LINGO2: variants seen among roughly 807,000 people sequenced by gnomAD.
LINGO2 encodes leucine rich repeat and Ig domain containing 2.
LINGO2 carries 14 observed loss-of-function variants against 30.6 expected under a neutral mutation model. The ratio of observed to expected loss-of-function variants is 0.46; its 90% CI spans 0.30 to 0.72. The LOEUF is 0.72. Among genes scored for constraint, LINGO2 ranks in the 30% least tolerant of loss-of-function variants. The pLI is 0.07. For missense variants in LINGO2, 729 were observed against 751.7 expected (o/e 0.97, Z 0.35); for synonymous variants, 317 against 288.5 (o/e 1.10, Z -1.00).
the LINGO2 span, among the ~76,000 whole-genome samples, chr9:29,189,150 C>G: frequency 1.4e-5 from 2 of 142,848 alleles, no homozygotes; most frequent in African/African-American, 5.1e-5. Context: ...GGGGGCTGAC[C>G]CCCCCACCTC....
At chr9:29,045,024 G>A in the LINGO2 span, among the ~76,000 whole-genome samples, 2 of 152,050 alleles carry the variant, frequency 1.3e-5, no homozygotes, top group African/African-American at 4.8e-5. Context: ...TTGTGATGAT[G>A]TCAGATGATA....
chr9:28,518,410 T>C (rs1170587127), intron 1 of LINGO2, among the ~76,000 whole-genome samples: 1 of 152,174 alleles, frequency 6.6e-6, no homozygotes, highest in African/African-American at 2.4e-5. Flanking sequence ...TTATGAAGTG[T>C]ACCAGAATAT....
At chr9:27,973,113 G>A (rs185145391) in intron 5 of LINGO2, among the ~76,000 whole-genome samples, 21 of 152,262 alleles carry the variant, frequency 1.4e-4, no homozygotes, top group African/African-American at 5.1e-4. Flanking sequence ...AGAGCAGATG[G>A]TAGGACTTCT....
chr9:28,527,235 G>A (rs992649329), intron 1 of LINGO2, among the ~76,000 whole-genome samples: 1 of 152,072 alleles, frequency 6.6e-6, no homozygotes, highest in African/African-American at 2.4e-5. Context: ...CAGATTCTAG[G>A]TATCTGCTTG....
intron 3 of LINGO2, among the ~76,000 whole-genome samples, chr9:28,371,803 T>G (rs796541252): frequency 4.6e-5 from 7 of 152,276 alleles, no homozygotes; most frequent in African/African-American, 1.7e-4. Context: ...CCCCAATTAT[T>G]TGGAAGTAGA....
intron 1 of LINGO2, among the ~76,000 whole-genome samples, chr9:28,649,893 C>A (rs1031820782): frequency 1.3e-5 from 2 of 151,994 alleles, no homozygotes; most frequent in East Asian, 1.9e-4. Flanking sequence ...CTGATTCAAC[C>A]CTCAGAAGGC....
the LINGO2 span, among the ~76,000 whole-genome samples, chr9:28,943,681 T>C: frequency 2.0e-5 from 3 of 146,896 alleles, no homozygotes; most frequent in African/African-American, 7.5e-5. Flanking sequence ...CAAAACGAAT[T>C]GAAAAAAGTA....
intron 4 of LINGO2, among the ~76,000 whole-genome samples, chr9:28,072,094 C>A (rs1202386823): frequency 2.6e-5 from 4 of 152,076 alleles, no homozygotes; most frequent in Non-Finnish European, 5.9e-5. Flanking sequence ...TCACTTAACA[C>A]AAAGCATGAT....
the LINGO2 span, among the ~76,000 whole-genome samples, chr9:29,039,947 A>AT: frequency 3.9e-5 from 6 of 151,942 alleles, no homozygotes; most frequent in Non-Finnish European, 8.8e-5. Context: ...TCAAATTTTC[A>AT]TTTTTTTCTC....
At chr9:28,125,959 T>C (rs1442867314) in intron 4 of LINGO2, among the ~76,000 whole-genome samples, 12 of 152,222 alleles carry the variant, frequency 7.9e-5, no homozygotes, top group Non-Finnish European at 2.9e-5. Context: ...CTGCACCTGT[T>C]ATACTCCATA....
At chr9:28,889,569 G>A in the LINGO2 span, among the ~76,000 whole-genome samples, 506 of 152,000 alleles carry the variant, frequency 3.3e-3, 28 homozygotes, top group East Asian at 0.089. Flanking sequence ...TGTTATTGAA[G>A]TTGTCTTTTT....
In LINGO2 at chr9:28,239,083, G is replaced by C. The variant is rs182969322; in HGVS notation, c.-87+56125C>G. 3.3e-3 allele frequency among the ~76,000 whole-genome samples: 505 copies of C among 152,048 alleles called. 4 individuals carry two copies. The highest frequency in any genetic ancestry group is 0.011 in the African/African-American group (475 of 41,532). ...CAGACATCTACAACCAACCAAGATT[G>C]AATAATGAAGAAATGTATAACCTGA... On this transcript the variant is annotated intron_variant, in intron 4 of 5. Coordinates refer to ENST00000379992, the Ensembl canonical transcript of LINGO2.
At chr9:28,081,290 CAA>C (rs79994366) in intron 4 of LINGO2, among the ~76,000 whole-genome samples, 5,807 of 129,502 alleles carry the variant, frequency 0.045, 125 homozygotes, top group Non-Finnish European at 0.056. Flanking sequence ...ATTCAATACT[CAA>C]AAAAAAAAAA....
At chr9:28,295,771 G>T (rs984354489) in intron 3 of LINGO2, among the ~76,000 whole-genome samples, 6 of 152,098 alleles carry the variant, frequency 3.9e-5, no homozygotes, top group Non-Finnish European at 5.9e-5. Flanking sequence ...CAAAACCCAT[G>T]AGCAGTTAGA....
intron 1 of LINGO2, 136 bp from the exon 4 acceptor site, chr9:28,476,161 G>C (rs1254122595): frequency 6.6e-6 from 1 of 152,290 alleles, no homozygotes; most frequent in Non-Finnish European, 1.5e-5. Context: ...AAACACAGTA[G>C]GGATTAATTC....
At chr9:29,187,780 A>ATTTTTT in the LINGO2 span, among the ~76,000 whole-genome samples, 2 of 118,844 alleles carry the variant, frequency 1.7e-5, no homozygotes, top group Non-Finnish European at 3.4e-5. Flanking sequence ...ATACATTTCA[A>ATTTTTT]TTTTTTTTTT....
the LINGO2 span, among the ~76,000 whole-genome samples, chr9:29,030,650 G>C: frequency 1.3e-5 from 2 of 152,040 alleles, no homozygotes; most frequent in African/African-American, 4.8e-5. Flanking sequence ...ATTATATCAA[G>C]AAGTTCATGA....
intron 5 of LINGO2, among the ~76,000 whole-genome samples, chr9:27,980,948 A>G (rs1442216268): frequency 6.6e-6 from 1 of 151,914 alleles, no homozygotes; most frequent in Non-Finnish European, 1.5e-5. Flanking sequence ...TGCAGAACAG[A>G]AATTTAATGT....
chr9:28,848,397 G>GTGTGTGTATA, the LINGO2 span, among the ~76,000 whole-genome samples: 4 of 48,440 alleles, frequency 8.3e-5, no homozygotes, highest in Admixed American at 3.2e-4. Context: ...GTGTGTGTGT[G>GTGTGTGTATA]TATATATATA....
Sources: allele counts gnomAD v4.1 joint callset (sites outside exome capture counted in the v4.1 genomes callset), GRCh38; gene constraint gnomAD v4.1.1; transcripts MANE v1.5; gene names NCBI Gene and HGNC (gene_info 2026-07-23, HGNC 2026-07-21).